C3orf20: variants seen among roughly 807,000 people sequenced by gnomAD.
The protein encoded by C3orf20 is uncharacterized protein C3orf20.
A neutral mutation model predicts 88.3 loss-of-function variants in C3orf20; 76 were observed. The ratio of observed to expected loss-of-function variants is 0.86; its 90% CI spans 0.72 to 1.04. C3orf20 has a LOEUF of 1.04. Ranked by LOEUF, C3orf20 falls within the 50% of genes least tolerant of loss-of-function variation. The pLI is 0.00. For synonymous variants in C3orf20, 436 were observed against 437.4 expected (o/e 1.00, Z 0.04); for missense variants, 1,056 against 1,123.3 (o/e 0.94, Z 0.86).
At chr3:14,759,783 T>C (rs2035500230) in intron 13 of C3orf20, 108 bp from the exon 14 acceptor site, 2 of 858,188 alleles carry the variant, frequency 2.3e-6, no homozygotes, top group Non-Finnish European at 3.8e-6. Context: ...GAGGGAGTTG[T>C]ACAGGGCTCC....
chr3:14,676,116 C>CA (rs551950684), intron 1 of C3orf20, among the ~76,000 whole-genome samples: 2 of 134,096 alleles, frequency 1.5e-5, no homozygotes, highest in Non-Finnish European at 3.1e-5. Flanking sequence ...TCCCCCCCGC[C>CA]TTTTTTTTTT....
intron 12 of C3orf20, among the ~76,000 whole-genome samples, chr3:14,738,826 T>TTG (rs1210129920): frequency 3.4e-5 from 5 of 147,274 alleles, no homozygotes; most frequent in African/African-American, 1.2e-4. Context: ...TTTTTTTTTT[T>TTG]TTTTTTTTTA....
At position 14,772,773 on chromosome 3, in the gene C3orf20, CT is replaced by C. The variant is rs765888853; in HGVS notation, c.2631-17del. 1.9e-6 allele frequency: 3 copies of C among 1,607,840 alleles called. No individual in the cohort carries two copies. The highest frequency in any genetic ancestry group is 2.6e-6 in the Non-Finnish European group (3 of 1,174,674). Reference sequence around the variant, plus strand: ...AGAACAGCCCTTCCGCCTCCCGGCCCTCTATTTTGATCTTTAGGACAAGAGA... The same window carrying C: ...AGAACAGCCCTTCCGCCTCCCGGCCCCTATTTTGATCTTTAGGACAAGAGA... On this transcript the variant is annotated splice_polypyrimidine_tract_variant and intron_variant, in intron 16 of 16. Coordinates refer to ENST00000253697, the MANE Select transcript of C3orf20 (RefSeq NM_032137.5). The surrounding 1 kb of genome is among the most constrained non-coding windows in gnomAD (Gnocchi z 4.2).
intron 5 of C3orf20, among the ~76,000 whole-genome samples, chr3:14,695,578 C>A (rs1435186834): frequency 6.6e-6 from 1 of 152,166 alleles, no homozygotes; most frequent in East Asian, 1.9e-4. Context: ...TGTCCAGTGC[C>A]GAAAGTGGGG....
chr3:14,676,795 A>G (rs1575079298), intron 1 of C3orf20, among the ~76,000 whole-genome samples: 1 of 152,204 alleles, frequency 6.6e-6, no homozygotes, highest in East Asian at 1.9e-4. Flanking sequence ...TAGGATGGCT[A>G]CCATGAGATT....
chr3:14,737,303 C>T (rs1398831467), intron 12 of C3orf20, among the ~76,000 whole-genome samples: 2 of 151,886 alleles, frequency 1.3e-5, no homozygotes, highest in Non-Finnish European at 2.9e-5. Context: ...TTCTCTCTAT[C>T]TGGGACTCCC....
intron 12 of C3orf20, among the ~76,000 whole-genome samples, chr3:14,744,272 G>A (rs2034996551): frequency 6.6e-6 from 1 of 151,962 alleles, no homozygotes. Context: ...GGGGCAAAAT[G>A]CTACCAGTCT....
In C3orf20 at chr3:14,757,513, G is replaced by C; in HGVS notation, c.2083G>C (p.Val695Leu). 1 of 1,614,100 alleles carries C rather than the reference G, an allele frequency of 6.2e-7. No homozygotes were observed. Among genetic ancestry groups the C allele is most frequent in the Non-Finnish European group, 8.5e-7 (1 of 1,180,018 alleles). ...GGTGAAGGCGCCCCTGGTCTCTGAC[G>C]TGGAGCTGGAGCGCTTCCTGTTGGC... ...CLVKAPLVSD[V>L]ELERFLLAPR... Residue 695 changes from valine to leucine, a missense_variant, in exon 13 of 17, where the codon GTG becomes CTG. Transcript: ENST00000253697.
intron 10 of C3orf20, among the ~76,000 whole-genome samples, chr3:14,725,411 G>A (rs575096973): frequency 2.6e-5 from 4 of 152,246 alleles, no homozygotes; most frequent in Non-Finnish European, 4.4e-5. Flanking sequence ...GCAGAATGGC[G>A]GTCCCAGCTT....
At chr3:14,716,021 T>G (rs1191011445) in intron 9 of C3orf20, among the ~76,000 whole-genome samples, 1 of 152,232 alleles carries the variant, frequency 6.6e-6, no homozygotes, top group Non-Finnish European at 1.5e-5. Context: ...CACTTATCTG[T>G]GGCAGAGTTC....
rs535457202 is a variant in C3orf20, at chr3:14,714,525, A to G, written c.1313+366A>G. Among the ~76,000 whole-genome samples the G allele has an allele frequency of 4.4e-3, 665 of 152,332 alleles. 1 individual carries two copies. Among genetic ancestry groups the G allele is most frequent in the Non-Finnish European group, 8.0e-3 (542 of 68,032 alleles). On this transcript the variant is annotated intron_variant, in intron 8 of 16. Coordinates refer to ENST00000253697, the MANE Select transcript of C3orf20 (RefSeq NM_032137.5). ...GGAGAGGCATGAACACACTACTTCT[A>G]TGGCATCTTTTAAGAAAAGTGCATA...
chr3:14,697,934 A>G (rs913439893), intron 5 of C3orf20, among the ~76,000 whole-genome samples: 2 of 152,156 alleles, frequency 1.3e-5, no homozygotes, highest in African/African-American at 4.8e-5. Flanking sequence ...TATATGTGCC[A>G]CATTTTCTTA....
At chr3:14,766,535 C>T (rs558137569) in intron 15 of C3orf20, among the ~76,000 whole-genome samples, 1 of 152,370 alleles carries the variant, frequency 6.6e-6, no homozygotes, top group East Asian at 1.9e-4. Flanking sequence ...ACTGCTATCC[C>T]CCTGCCTCCG....
intron 12 of C3orf20, among the ~76,000 whole-genome samples, chr3:14,732,764 T>C (rs2034578825): frequency 6.6e-6 from 1 of 152,228 alleles, no homozygotes; most frequent in Non-Finnish European, 1.5e-5. Context: ...AGATTGAGAA[T>C]TCCTGGCCTA....
At chr3:14,713,946 G>C in intron 7 of C3orf20, 61 bp from the exon 8 acceptor site, 1 of 1,589,592 alleles carries the variant, frequency 6.3e-7, no homozygotes, top group African/African-American at 1.3e-5. Flanking sequence ...TGCTTCAATG[G>C]GACAACTGAG....
chr3:14,736,767 A>G (rs909263116), intron 12 of C3orf20, among the ~76,000 whole-genome samples: 26 of 151,728 alleles, frequency 1.7e-4, no homozygotes, highest in Admixed American at 9.2e-4. Flanking sequence ...GGGCTTCACC[A>G]TGTTGCTCAG....
At chr3:14,676,712 A>G (rs1389198596) in intron 1 of C3orf20, among the ~76,000 whole-genome samples, 1 of 152,168 alleles carries the variant, frequency 6.6e-6, no homozygotes, top group Non-Finnish European at 1.5e-5. Context: ...ATGTTTCTTC[A>G]TGGGTCTTGT....
Position 14,757,625 on chromosome 3 carries a change from A to G in C3orf20, c.2195A>G (p.Asn732Ser). The G allele has an allele frequency of 6.2e-7, 1 of 1,613,582 alleles. No individual in the cohort carries two copies. Among genetic ancestry groups the G allele is most frequent in the South Asian group, 1.1e-5 (1 of 91,070 alleles). Residue 732 changes from asparagine (N) to serine (S), a missense_variant, in exon 13 of 17, where the codon AAC becomes AGC. Physicochemically the swap from Asn to Ser is conservative, Grantham distance 46. Transcript: ENST00000253697. The stretch of plus-strand genomic sequence containing the variant: ...ACTGGGCAGCTCCAGTGGCTGCTGA[A>G]CACTCTCTACAACCACCAGCAGCGG... ...TSTGQLQWLL[N>S]TLYNHQQRGR...
chr3:14,678,632 T>C (rs934920010), intron 1 of C3orf20, among the ~76,000 whole-genome samples: 5 of 152,230 alleles, frequency 3.3e-5, no homozygotes, highest in South Asian at 2.1e-4. Context: ...TTCTTATACA[T>C]TTCATTCCTT....
Sources: allele counts gnomAD v4.1 joint callset (sites outside exome capture counted in the v4.1 genomes callset), GRCh38; gene constraint gnomAD v4.1.1; non-coding constraint Gnocchi (gnomAD v3.1); transcripts MANE v1.5; gene names NCBI Gene and HGNC (gene_info 2026-07-23, HGNC 2026-07-21).